Variants in NOL7 observed in about 807,000 individuals in gnomAD.
NOL7 encodes the protein nucleolar protein 7, also known as U3 small nucleolar RNA-associated protein NOL7.
A neutral mutation model predicts 38.4 loss-of-function variants in NOL7; 36 were observed. That is an observed-to-expected ratio of 0.94 (90% CI 0.72 to 1.24). The LOEUF is 1.24. Among genes scored for constraint, NOL7 ranks in the 50% most tolerant of loss-of-function variants. The probability of loss-of-function intolerance (pLI) is 0.00; values close to 1 mark genes in which losing one functional copy is unlikely to be tolerated. For synonymous variants in NOL7, 142 were observed against 126.5 expected (o/e 1.12, Z -0.82); for missense variants, 350 against 315.1 (o/e 1.11, Z -0.84).
In NOL7 at chr6:13,620,452, A is replaced by T; in HGVS notation, c.667A>T (p.Arg223Ter). The T allele has an allele frequency of 6.2e-7, 1 of 1,614,156 alleles. No homozygotes were observed. The highest frequency in any genetic ancestry group is 8.5e-7 in the Non-Finnish European group (1 of 1,180,024). Residue 223 changes from arginine (R) to a stop codon, truncating the protein, a stop_gained, in exon 7 of 8, where the codon AGA (arginine) becomes TGA (stop). Coordinates refer to ENST00000451315, the MANE Select transcript of NOL7 (RefSeq NM_016167.5). LOFTEE classifies it high-confidence loss of function. ...TGCCAACAAGAGGTTACCAGTGAAA[A>T]GAGCTGCTGTCCAGTTTTTGAATAA... ...SLANKRLPVK[R>*]AAVQFLNNAW... is the part of the protein sequence containing the mutation.
downstream of NOL7, chr6:13,625,699 C>A (rs148820800): frequency 8.1e-6 from 13 of 1,613,112 alleles, no homozygotes; most frequent in Non-Finnish European, 4.2e-6. Flanking sequence ...CTCTCTGAAT[C>A]GGGTCAAGCT....
At chr6:13,625,411 C>CA (rs989171294), downstream of NOL7, among the ~76,000 whole-genome samples, 1 of 152,176 alleles carries the variant, frequency 6.6e-6, no homozygotes, top group Admixed American at 6.5e-5. Context: ...TACATGCACA[C>CA]AAAAACTTCT....
At chr6:13,631,735 G>A (rs1437490919) in intron 8 of NOL7, among the ~76,000 whole-genome samples, 2 of 152,162 alleles carry the variant, frequency 1.3e-5, no homozygotes, top group Admixed American at 6.5e-5. Context: ...CAACTGCAAT[G>A]CTGACTTAAG....
At chr6:13,618,718 A>C (rs1026023676) in intron 5 of NOL7, among the ~76,000 whole-genome samples, 5 of 152,126 alleles carry the variant, frequency 3.3e-5, no homozygotes, top group Admixed American at 2.0e-4. Context: ...GGTAAAACCC[A>C]GTCTCTACAC....
downstream of NOL7, among the ~76,000 whole-genome samples, chr6:13,623,358 A>ATGG (rs1191718729): frequency 6.6e-6 from 1 of 152,204 alleles, no homozygotes; most frequent in Admixed American, 6.5e-5. Context: ...AAGGCTTCAT[A>ATGG]TGGTTTAACT....
At chr6:13,619,945 A>AG (rs1350134889) in intron 5 of NOL7, among the ~76,000 whole-genome samples, 3 of 152,224 alleles carry the variant, frequency 2.0e-5, no homozygotes, top group African/African-American at 7.2e-5. Flanking sequence ...TCACAAGGTC[A>AG]GGAGTTCGAG....
At chr6:13,620,600 G>C (rs1407009903) in intron 7 of NOL7, 115 bp downstream of exon 7, 1 of 1,136,368 alleles carries the variant, frequency 8.8e-7, no homozygotes, top group Non-Finnish European at 1.3e-6. Flanking sequence ...TATATATTAA[G>C]TTACTTGTGA....
chr6:13,619,637 T>C (rs774229580), intron 5 of NOL7, among the ~76,000 whole-genome samples: 1 of 152,264 alleles, frequency 6.6e-6, no homozygotes, highest in African/African-American at 2.4e-5. Flanking sequence ...ACTAATGTTT[T>C]GACTTTTGGT....
At chr6:13,623,487 C>G, downstream of NOL7, among the ~76,000 whole-genome samples, 1 of 152,190 alleles carries the variant, frequency 6.6e-6, no homozygotes, top group South Asian at 2.1e-4. Context: ...GAAGAGAAAA[C>G]AAAAACAGGA....
At chr6:13,625,519 G>C, downstream of NOL7, 1 of 508,772 alleles carries the variant, frequency 2.0e-6, no homozygotes, top group Non-Finnish European at 3.5e-6. Context: ...CTATATTTTA[G>C]GTATTTTTAT....
intron 8 of NOL7, among the ~76,000 whole-genome samples, chr6:13,632,174 G>GTTTTTTTTTTTTT (rs1764805529): frequency 1.3e-5 from 1 of 79,404 alleles, no homozygotes; most frequent in Non-Finnish European, 2.3e-5. Flanking sequence ...TTTTGCTTTA[G>GTTTTTTTTTTTTT]TCCAATGCTC....
intron 7 of NOL7, 121 bp downstream of exon 7, chr6:13,620,606 T>C: frequency 9.1e-7 from 1 of 1,100,472 alleles, no homozygotes; most frequent in Non-Finnish European, 1.3e-6. Context: ...TTAAGTTACT[T>C]GTGAAAAACA....
chr6:13,625,750 T>C, downstream of NOL7: 1 of 1,605,602 alleles, frequency 6.2e-7, no homozygotes, highest in South Asian at 1.1e-5. Flanking sequence ...AATATGCTAG[T>C]AGACTGAATG....
At chr6:13,626,760 G>A (rs948842706) in intron 8 of NOL7, among the ~76,000 whole-genome samples, 36 of 152,148 alleles carry the variant, frequency 2.4e-4, no homozygotes, top group South Asian at 2.1e-4. Flanking sequence ...AATTCCTAAA[G>A]AGCACCATCT....
chr6:13,624,971 A>C (rs1255260363), downstream of NOL7, among the ~76,000 whole-genome samples: 1 of 152,162 alleles, frequency 6.6e-6, no homozygotes, highest in African/African-American at 2.4e-5. Context: ...CCCATTGCAA[A>C]TTTAGCTCAA....
chr6:13,624,595 A>G (rs185340642), downstream of NOL7, among the ~76,000 whole-genome samples: 209 of 152,374 alleles, frequency 1.4e-3, no homozygotes, highest in Non-Finnish European at 1.9e-3. Context: ...ACATTTATAT[A>G]GAAATGCACA....
intron 7 of NOL7, 125 bp from the exon 8 acceptor site, chr6:13,620,629 A>G: frequency 2.1e-6 from 2 of 954,072 alleles, no homozygotes; most frequent in Admixed American, 2.5e-5. Context: ...TCAATGTAGT[A>G]TGTATATACA....
chr6:13,616,579 A>C, intron 3 of NOL7, 58 bp downstream of exon 3: 1 of 1,127,422 alleles, frequency 8.9e-7, no homozygotes, highest in Non-Finnish European at 1.3e-6. Flanking sequence ...TGAATTATAT[A>C]CTGGTACATT....
chr6:13,629,919 CTCGTGTGT>C (rs758414501), intron 8 of NOL7, among the ~76,000 whole-genome samples: 15 of 129,966 alleles, frequency 1.2e-4, no homozygotes, highest in Non-Finnish European at 2.0e-4. Context: ...CTCTCTCTCT[CTCGTGTGT>C]GTGTGTGTGT....
Sources: gnomAD v4.1 joint callset for allele counts (sites outside exome capture counted in the v4.1 genomes callset) on GRCh38, gnomAD v4.1.1 for gene constraint, MANE v1.5 for transcripts, NCBI Gene and HGNC (gene_info 2026-07-23, HGNC 2026-07-21) for gene names.